C16orf89: variants seen among roughly 807,000 people sequenced by gnomAD.
C16orf89 encodes UPF0764 protein C16orf89.
C16orf89 carries 57 observed loss-of-function variants against 41.5 expected under a neutral mutation model. The ratio of observed to expected loss-of-function variants is 1.38; its 90% confidence interval spans 1.11 to 1.71. The LOEUF (loss-of-function observed/expected upper bound fraction) is 1.71, where lower values mean the gene tolerates loss of function less well. C16orf89 is among the 40% of genes most tolerant of loss of function. The probability of loss-of-function intolerance (pLI) is 0.00; values close to 1 mark genes in which losing one functional copy is unlikely to be tolerated. For missense variants in C16orf89, 575 were observed against 445.9 expected (o/e 1.29, Z -2.61); for synonymous variants, 223 against 190.6 (o/e 1.17, Z -1.40).
At chr16:5,049,988 A>G (rs1956368233) in intron 6 of C16orf89, among the ~76,000 whole-genome samples, 1 of 152,196 alleles carries the variant, frequency 6.6e-6, no homozygotes, top group South Asian at 2.1e-4. Flanking sequence ...AGTAAATGAA[A>G]TCAGAAAGAA....
intron 7 of C16orf89, among the ~76,000 whole-genome samples, chr16:5,047,035 C>T (rs1220313290): frequency 6.6e-6 from 1 of 152,178 alleles, no homozygotes; most frequent in Non-Finnish European, 1.5e-5. Context: ...CAAACTCCAG[C>T]ACACAGACCC....
intron 3 of C16orf89, 37 bp from the exon 4 acceptor site, chr16:5,058,647 C>T (rs369879257): frequency 2.9e-5 from 44 of 1,524,168 alleles, no homozygotes; most frequent in African/African-American, 9.6e-5. Context: ...AAGGATGGAG[C>T]GCTGACTCTG....
chr16:5,062,004 C>T (rs978437884), intron 2 of C16orf89, among the ~76,000 whole-genome samples: 77 of 152,234 alleles, frequency 5.1e-4, no homozygotes, highest in Admixed American at 3.9e-3. Flanking sequence ...TGGACAACTT[C>T]GGGAATTTCT....
intron 6 of C16orf89, among the ~76,000 whole-genome samples, chr16:5,050,690 A>C (rs922422299): frequency 5.3e-5 from 8 of 152,224 alleles, no homozygotes; most frequent in Admixed American, 2.0e-4. Flanking sequence ...GCAACAACAA[A>C]AAAACTATAG....
intron 1 of C16orf89, among the ~76,000 whole-genome samples, 165 bp downstream of exon 1, chr16:5,065,536 C>T (rs1000871077): frequency 6.6e-6 from 1 of 152,242 alleles, no homozygotes. Context: ...AGCTGGGCCA[C>T]AGCCGCCAGG....
intron 5 of C16orf89, 154 bp from the exon 6 acceptor site, chr16:5,055,504 GC>G: frequency 2.1e-6 from 2 of 948,302 alleles, no homozygotes; most frequent in South Asian, 3.4e-5. Flanking sequence ...GGCAGCTTGA[GC>G]CTTTGCCTGA....
intron 1 of C16orf89, among the ~76,000 whole-genome samples, chr16:5,063,645 G>T (rs541951755): frequency 6.6e-6 from 1 of 152,298 alleles, no homozygotes; most frequent in Non-Finnish European, 1.5e-5. Context: ...TGTGAACCCT[G>T]TTGTGAATTG....
At chr16:5,052,886 A>T (rs963631013) in intron 6 of C16orf89, among the ~76,000 whole-genome samples, 8 of 152,254 alleles carry the variant, frequency 5.3e-5, no homozygotes, top group African/African-American at 1.9e-4. Context: ...AGTTTCTATC[A>T]GCAGATGAAT....
chr16:5,055,682 G>A, intron 5 of C16orf89: 1 of 1,534,928 alleles, frequency 6.5e-7, no homozygotes, highest in Non-Finnish European at 8.7e-7. Context: ...CTGTCTGCCA[G>A]TCACCTGGTC....
intron 6 of C16orf89, among the ~76,000 whole-genome samples, chr16:5,051,289 A>T (rs1200493033): frequency 6.6e-6 from 1 of 152,224 alleles, no homozygotes; most frequent in East Asian, 1.9e-4. Context: ...ACATGATCTG[A>T]TAGACAGGAA....
Position 5,053,938 on chromosome 16 carries a change from C to T in C16orf89, c.868+1308G>A, listed in dbSNP as rs142109274. ...GCGTCTGCTCATTACATATTGTATA[C>T]ATGTATGGAAATATCACACTGTACC... On this transcript the variant is annotated intron_variant, in intron 6 of 7. Transcript: ENST00000472572. Among the ~76,000 whole-genome samples the T allele has an allele frequency of 2.0e-5, 3 of 152,280 alleles. No homozygotes were observed. The South Asian group carries it at 6.2e-4, about 32-fold the overall frequency.
intron 5 of C16orf89, chr16:5,055,759 A>G: frequency 1.3e-6 from 2 of 1,527,022 alleles, no homozygotes; most frequent in South Asian, 2.4e-5. Flanking sequence ...AGTGGCAGGT[A>G]AAATACAGGA....
At chr16:5,051,171 T>G (rs1253441870) in intron 6 of C16orf89, among the ~76,000 whole-genome samples, 1 of 152,202 alleles carries the variant, frequency 6.6e-6, no homozygotes, top group Non-Finnish European at 1.5e-5. Context: ...TTCACCATTT[T>G]TATTTGACAT....
intron 2 of C16orf89, 71 bp downstream of exon 2, chr16:5,062,353 CG>C: frequency 6.7e-7 from 1 of 1,491,402 alleles, no homozygotes; most frequent in Non-Finnish European, 9.0e-7. Flanking sequence ...GGAGAGCCCA[CG>C]CTGGGTTATT....
intron 7 of C16orf89, 47 bp downstream of exon 7, chr16:5,047,831 G>A (rs776989959): frequency 1.8e-6 from 2 of 1,083,118 alleles, no homozygotes; most frequent in South Asian, 2.6e-5. Flanking sequence ...GTTTTGCTAG[G>A]ATATCTTAGT....
intron 1 of C16orf89, among the ~76,000 whole-genome samples, chr16:5,065,363 A>G (rs979428281): frequency 6.6e-6 from 1 of 152,162 alleles, no homozygotes; most frequent in East Asian, 1.9e-4. Context: ...GGGTCTTCCC[A>G]CAAATATCTG....
At chr16:5,055,561 C>G in intron 5 of C16orf89, 1 of 1,134,648 alleles carries the variant, frequency 8.8e-7, no homozygotes, top group Non-Finnish European at 1.2e-6. Flanking sequence ...CACTGAGGGC[C>G]TTGGTCAGGG....
At chr16:5,044,945 C>G in intron 7 of C16orf89, 2 of 1,210,976 alleles carry the variant, frequency 1.7e-6, no homozygotes, top group Non-Finnish European at 2.1e-6. Context: ...GGGCCGGGTG[C>G]TCTTCCGCCA....
chr16:5,051,691 C>A (rs927991478), intron 6 of C16orf89, among the ~76,000 whole-genome samples: 2 of 151,980 alleles, frequency 1.3e-5, no homozygotes, highest in Non-Finnish European at 2.9e-5. Flanking sequence ...AAAAAAAAAT[C>A]CTAAAATTTG....
Sources: allele counts gnomAD v4.1 joint callset (sites outside exome capture counted in the v4.1 genomes callset), GRCh38; gene constraint gnomAD v4.1.1; transcripts MANE v1.5; gene names NCBI Gene and HGNC (gene_info 2026-07-23, HGNC 2026-07-21).